Variants in FBN1 observed in about 807,000 individuals in gnomAD.
FBN1 encodes the protein fibrillin-1.
Under a neutral mutation model 365.1 loss-of-function variants are expected in FBN1, and 29 were observed. That is an observed-to-expected ratio of 0.08 (90% CI 0.06 to 0.11). The LOEUF is 0.11. FBN1 is among the 10% of genes least tolerant of loss of function. FBN1 has a pLI of 1.00. For synonymous variants in FBN1, 1,210 were observed against 1,270.5 expected, an observed-to-expected ratio of 0.95 and a Z score of 1.01; for missense variants, 2,476 against 3,703.2, an observed-to-expected ratio of 0.67 and a Z score of 8.60.
chr15:48,580,939 T>C (rs1230269184), intron 6 of FBN1, among the ~76,000 whole-genome samples: 2 of 152,164 alleles, frequency 1.3e-5, no homozygotes, highest in Non-Finnish European at 2.9e-5. Flanking sequence ...TGCACTTGTA[T>C]AGTGGGGCAG....
rs2042872481 is a variant in FBN1 at position 48,412,615 on chromosome 15, C to T, written c.8180G>A (p.Gly2727Asp). 3 of 1,614,220 alleles carry T rather than the reference C, an allele frequency of 1.9e-6. No individual in the cohort carries two copies. The South Asian group carries it at 3.3e-5, about 18-fold the overall frequency. ...TTCGTTTGTGCTTCTCCGTTTCCTGCCCCGTTTGGGGTAGCCATTGATCTT... is the reference window on the plus strand; with the variant it reads ...TTCGTTTGTGCTTCTCCGTTTCCTGTCCCGTTTGGGGTAGCCATTGATCTT... ...ECKINGYPKR[G>D]RKRRSTNETD... Residue 2727 changes from glycine (G) to aspartate (D), a missense_variant, in exon 65 of 66, where the codon GGC (glycine) becomes GAC (aspartate). This residue lies in a region of FBN1 where 177 missense variants were observed against 192.7 expected (regional missense o/e 0.92). Transcript: ENST00000316623.
intron 32 of FBN1, among the ~76,000 whole-genome samples, chr15:48,477,294 C>A (rs1366204679): frequency 1.3e-5 from 2 of 152,096 alleles, no homozygotes; most frequent in South Asian, 4.1e-4. Flanking sequence ...AGTTTTATGG[C>A]AATGTTTTCA....
At chr15:48,450,625 C>T (rs1828666028) in intron 45 of FBN1, among the ~76,000 whole-genome samples, 1 of 152,146 alleles carries the variant, frequency 6.6e-6, no homozygotes, top group South Asian at 2.1e-4. Context: ...CAAGACATTT[C>T]AGAAGGGGGT....
At chr15:48,436,889 G>A (rs1332723493) in intron 53 of FBN1, 72 bp downstream of exon 53, 3 of 920,846 alleles carry the variant, frequency 3.3e-6, no homozygotes, top group Non-Finnish European at 5.5e-6. Flanking sequence ...TATATTCATG[G>A]CTATACAGTG....
chr15:48,505,384 G>A (rs1269797716), intron 15 of FBN1, among the ~76,000 whole-genome samples: 3 of 152,184 alleles, frequency 2.0e-5, no homozygotes, highest in African/African-American at 7.2e-5. Flanking sequence ...ATTCTCCCAA[G>A]AGATTTTTGT....
chr15:48,620,132 A>G (rs1335853728), intron 2 of FBN1, among the ~76,000 whole-genome samples: 1 of 152,224 alleles, frequency 6.6e-6, no homozygotes, highest in Non-Finnish European at 1.5e-5. Flanking sequence ...ATTGCTGAGC[A>G]ATCATTTCAA....
At chr15:48,434,775 C>A (rs534900349) in intron 53 of FBN1, 62 bp from the exon 54 acceptor site, 14 of 1,592,476 alleles carry the variant, frequency 8.8e-6, no homozygotes, top group Non-Finnish European at 1.0e-5. Context: ...TTTATTCTAT[C>A]AGAGGATTTT....
chr15:48,494,082 A>AT, intron 23 of FBN1, 122 bp downstream of exon 23: 18 of 779,596 alleles, frequency 2.3e-5, no homozygotes, highest in Non-Finnish European at 3.4e-5. Flanking sequence ...AGTTCTCATT[A>AT]TTTTTTTTCT....
At chr15:48,428,190 G>T in intron 57 of FBN1, 156 bp downstream of exon 57, 1 of 928,992 alleles carries the variant, frequency 1.1e-6, no homozygotes, top group Non-Finnish European at 1.7e-6. Flanking sequence ...TGAGCCCAAT[G>T]GACAATCACA....
intron 34 of FBN1, among the ~76,000 whole-genome samples, chr15:48,472,980 A>G (rs947277718): frequency 6.6e-5 from 10 of 152,220 alleles, no homozygotes; most frequent in African/African-American, 2.4e-4. Context: ...AGGAAATGAC[A>G]CATCATGTTT....
At chr15:48,606,247 G>C (rs768513882) in intron 4 of FBN1, among the ~76,000 whole-genome samples, 5 of 152,190 alleles carry the variant, frequency 3.3e-5, no homozygotes, top group Non-Finnish European at 7.4e-5. Flanking sequence ...GAGAACATAA[G>C]ATTTGTGTTC....
chr15:48,626,399 G>C lies in FBN1; in HGVS notation c.165-13307C>G, dbSNP rs150388278. Among the ~76,000 whole-genome samples, 439 of 152,234 alleles carry C rather than the reference G, an allele frequency of 2.9e-3. 1 individual carries two copies. Among genetic ancestry groups the C allele is most frequent in the Non-Finnish European group, 5.1e-3 (345 of 68,032 alleles). ...CATAAGTGGAATACATGGAGTACGAGAGTGAAATTCTTCCATGTTTCAGTT... is the reference window on the plus strand; with the variant it reads ...CATAAGTGGAATACATGGAGTACGACAGTGAAATTCTTCCATGTTTCAGTT... On this transcript the variant is annotated intron_variant, in intron 2 of 65. Transcript: ENST00000316623.
intron 44 of FBN1, 116 bp downstream of exon 44, chr15:48,456,521 T>C: frequency 9.4e-7 from 1 of 1,069,252 alleles, no homozygotes; most frequent in Non-Finnish European, 1.4e-6. Flanking sequence ...CCCTTTACTA[T>C]TTCTAGAGCT....
intron 22 of FBN1, 21 bp downstream of exon 22, chr15:48,495,102 C>G (rs752545650): frequency 1.2e-6 from 2 of 1,613,824 alleles, no homozygotes; most frequent in Non-Finnish European, 1.7e-6. Context: ...GTATAGGAAC[C>G]ACAGCATGGG....
chr15:48,411,492 GC>G (rs1231510349), intron 65 of FBN1, 113 bp from the exon 66 acceptor site: 4 of 918,992 alleles, frequency 4.4e-6, no homozygotes, highest in South Asian at 2.7e-5. Context: ...GCCTTATGCT[GC>G]ATACACAATA....
At chr15:48,558,844 G>C (rs935845886) in intron 6 of FBN1, among the ~76,000 whole-genome samples, 1 of 152,170 alleles carries the variant, frequency 6.6e-6, no homozygotes, top group Non-Finnish European at 1.5e-5. Context: ...GCTCTGACTT[G>C]CTGGTTAAAG....
At chr15:48,508,748 G>C in intron 14 of FBN1, 44 bp from the exon 15 acceptor site, 1 of 1,609,240 alleles carries the variant, frequency 6.2e-7, no homozygotes, top group East Asian at 2.2e-5. Context: ...AGAAGAGTAA[G>C]CTTACGAAGG....
intron 55 of FBN1, among the ~76,000 whole-genome samples, chr15:48,431,143 G>A (rs2043020442): frequency 6.6e-6 from 1 of 151,764 alleles, no homozygotes; most frequent in South Asian, 2.1e-4. Flanking sequence ...TGTTGCCCAG[G>A]CTGGAGTGCA....
chr15:48,614,369 T>G (rs545479766), intron 2 of FBN1, among the ~76,000 whole-genome samples: 2 of 152,314 alleles, frequency 1.3e-5, no homozygotes, highest in African/African-American at 4.8e-5. Flanking sequence ...TCAGTTAGGG[T>G]GCACTCCCAC....
Sources: gnomAD v4.1 joint callset for allele counts (sites outside exome capture counted in the v4.1 genomes callset) on GRCh38, gnomAD v4.1.1 for gene constraint, gnomAD v4.1.1 regional missense constraint, MANE v1.5 for transcripts, NCBI Gene and HGNC (gene_info 2026-07-23, HGNC 2026-07-21) for gene names.